Variants in CENPE observed in about 807,000 individuals in gnomAD.
The protein encoded by CENPE is centromere protein E, also known as centromere-associated protein E.
A neutral mutation model predicts 336.1 loss-of-function variants in CENPE; 145 were observed. The observed-to-expected ratio is 0.43, with a 90% CI of 0.38 to 0.50. CENPE has a LOEUF of 0.50. Among genes scored for constraint, CENPE ranks in the 20% least tolerant of loss-of-function variants. CENPE has a pLI of 0.00. For synonymous variants in CENPE, 1,013 were observed against 984.8 expected, an observed-to-expected ratio of 1.03 and a Z score of -0.54; for missense variants, 2,719 against 3,023.3, an observed-to-expected ratio of 0.90 and a Z score of 2.36.
intron 16 of CENPE, 24 bp downstream of exon 16, chr4:103,174,712 G>C (rs1379679738): frequency 6.9e-7 from 1 of 1,440,892 alleles, no homozygotes; most frequent in Non-Finnish European, 9.2e-7. Context: ...TTTTAGTTTA[G>C]TTTTACATTT....
At chr4:103,113,850 T>C (rs1252462245) in intron 46 of CENPE, among the ~76,000 whole-genome samples, 1 of 151,582 alleles carries the variant, frequency 6.6e-6, no homozygotes, top group Admixed American at 6.6e-5. Flanking sequence ...TTCTACTGCG[T>C]AAAGCTATCT....
chr4:103,145,335 C>A lies in CENPE; in HGVS notation c.4573-1G>T. The A allele has an allele frequency of 6.6e-7, 1 of 1,505,940 alleles. No homozygotes were observed. The highest frequency in any genetic ancestry group is 1.2e-5 in the South Asian group (1 of 84,908). 93.3% of individuals were successfully genotyped at this position (1,505,940 alleles called of 1,614,324 possible). A position where few individuals can be genotyped will look rare whatever the true frequency, so the allele number is the denominator to read the frequency against. On this transcript the variant is annotated splice_acceptor_variant, in intron 31 of 48. Transcript: ENST00000265148. LOFTEE classifies it high-confidence loss of function. ...CCTCTTTCTCATAAATCTCTTGGAT[C>A]TTAAACATAATTATAAAATAAGTTA...
intron 16 of CENPE, among the ~76,000 whole-genome samples, chr4:103,167,642 T>G (rs1002664476): frequency 6.6e-6 from 1 of 152,146 alleles, no homozygotes; most frequent in African/African-American, 2.4e-5. Flanking sequence ...TGTGGGAGCC[T>G]TTGGATTCAG....
rs550253023 is a variant in CENPE, at chr4:103,126,222, C to T, written c.6925-3133G>A. Among the ~76,000 whole-genome samples the T allele has an allele frequency of 2.6e-5, 4 of 152,216 alleles. 1 individual carries two copies. The South Asian group carries it at 8.3e-4, about 32-fold the overall frequency. Reference sequence around the variant, plus strand: ...TCATCACAGTTAATATTGGAGAAATCCCTTTGTGAGTCTGGCAGGAGAGGA... The same window carrying T: ...TCATCACAGTTAATATTGGAGAAATTCCTTTGTGAGTCTGGCAGGAGAGGA... On this transcript the variant is annotated intron_variant, in intron 42 of 48. Transcript: ENST00000265148.
At chr4:103,137,876 G>A (rs1489947565) in intron 39 of CENPE, among the ~76,000 whole-genome samples, 2 of 151,992 alleles carry the variant, frequency 1.3e-5, no homozygotes, top group Admixed American at 6.6e-5. Context: ...TTTCTCTTGC[G>A]GTAAAAATTC....
At chr4:103,176,750 T>G (rs2126010114) in intron 14 of CENPE, 149 bp downstream of exon 14, 2 of 593,076 alleles carry the variant, frequency 3.4e-6, no homozygotes, top group South Asian at 8.1e-5. Flanking sequence ...TTAGAATTAC[T>G]TATTTTAAAT....
chr4:103,191,721 C>T lies in CENPE; in HGVS notation c.693+2508G>A, dbSNP rs575372847. Among the ~76,000 whole-genome samples, 6 of 151,802 alleles carry T rather than the reference C, an allele frequency of 4.0e-5. No individual in the cohort carries two copies. The South Asian group carries it at 8.3e-4, about 21-fold the overall frequency. ...ATGACGAGTTAATGGGTGCAGTATACCAACATGGCACATGTATACATATGT... is the reference window on the plus strand; with the variant it reads ...ATGACGAGTTAATGGGTGCAGTATATCAACATGGCACATGTATACATATGT... On this transcript the variant is annotated intron_variant, in intron 8 of 48. Coordinates refer to ENST00000265148, the MANE Select transcript of CENPE (RefSeq NM_001813.3).
chr4:103,113,020 A>T (rs1749670157), intron 46 of CENPE, among the ~76,000 whole-genome samples: 1 of 94,646 alleles, frequency 1.1e-5, no homozygotes, highest in African/African-American at 4.5e-5. Context: ...ATATATACTT[A>T]TAAGTATATA....
chr4:103,160,506 G>T, intron 21 of CENPE, 119 bp downstream of exon 21: 1 of 744,060 alleles, frequency 1.3e-6, no homozygotes, highest in Non-Finnish European at 2.1e-6. Context: ...TAGTCAAAAC[G>T]TTTACAGTAT....
intron 44 of CENPE, 90 bp downstream of exon 44, chr4:103,120,058 A>G: frequency 2.3e-6 from 2 of 883,420 alleles, no homozygotes; most frequent in Non-Finnish European, 3.4e-6. Flanking sequence ...TTGTTGTGAG[A>G]GGGAAGAATA....
intron 34 of CENPE, among the ~76,000 whole-genome samples, chr4:103,142,577 A>C (rs1051773156): frequency 2.6e-5 from 4 of 152,208 alleles, no homozygotes; most frequent in Non-Finnish European, 4.4e-5. Context: ...CAAATCTTAC[A>C]TCCTGAAGGT....
chr4:103,188,223 T>C (rs1756976162), intron 8 of CENPE, among the ~76,000 whole-genome samples: 1 of 152,140 alleles, frequency 6.6e-6, no homozygotes, highest in Non-Finnish European at 1.5e-5. Context: ...ACTGTCAACG[T>C]TAGACAGATC....
At chr4:103,164,736 G>T (rs893644170) in intron 16 of CENPE, among the ~76,000 whole-genome samples, 2 of 151,902 alleles carry the variant, frequency 1.3e-5, no homozygotes, top group Non-Finnish European at 2.9e-5. Flanking sequence ...TGTCAATTCA[G>T]TCTGGTCCCA....
At chr4:103,191,810 A>G (rs531932757) in intron 8 of CENPE, among the ~76,000 whole-genome samples, 1 of 152,264 alleles carries the variant, frequency 6.6e-6, no homozygotes, top group African/African-American at 2.4e-5. Context: ...AATAAATAAA[A>G]ATAAAAAAAC....
chr4:103,145,088 C>T lies in CENPE; in HGVS notation c.4819G>A (p.Asp1607Asn). The change falls in exon 32 of 49, where the codon GAC becomes AAC. Residue 1607 changes from aspartate to asparagine, a missense_variant. Physicochemically the swap from Asp to Asn is conservative, Grantham distance 23. This residue lies in a region of CENPE where 2,437 missense variants were observed against 2,513.3 expected (regional missense o/e 0.97). Transcript: ENST00000265148. Reference sequence around the variant, plus strand: ...TCTTTAGTGTTTTCTTTCAGTTGGTCTCTCTCTATCTGAAGGGCCTCCTGT... The same window carrying T: ...TCTTTAGTGTTTTCTTTCAGTTGGTTTCTCTCTATCTGAAGGGCCTCCTGT... ...RVQEALQIER[D>N]QLKENTKEIV... 1 of 1,540,086 alleles carries T rather than the reference C, an allele frequency of 6.5e-7. No individual in the cohort carries two copies. Among genetic ancestry groups the T allele is most frequent in the Non-Finnish European group, 8.7e-7 (1 of 1,147,892 alleles).
intron 46 of CENPE, among the ~76,000 whole-genome samples, chr4:103,113,428 ATTAC>A (rs574512068): frequency 2.1e-5 from 3 of 141,808 alleles, no homozygotes; most frequent in East Asian, 2.0e-4. Context: ...ATACTTATAT[ATTAC>A]TTATATATAT....
chr4:103,133,837 T>C lies in CENPE; in HGVS notation c.6578A>G (p.Lys2193Arg). 6.2e-7 allele frequency: 1 copy of C among 1,602,368 alleles called. No individual in the cohort carries two copies. Among genetic ancestry groups the C allele is most frequent in the Non-Finnish European group, 8.5e-7 (1 of 1,171,444 alleles). ...TTCATCAATAAAATCCATTTCAAAT[T>C]TATTGATGGATTCATGTTGTTCTTC... is the stretch of plus-strand genomic sequence containing the variant. ...IKEEQHESIN[K>R]FEMDFIDEVE... is the part of the protein sequence containing the mutation. Residue 2193 changes from lysine to arginine, a missense_variant, in exon 41 of 49, where the codon AAA (lysine) becomes AGA (arginine). Around this residue, in one of 5 missense-constraint regions of CENPE, gnomAD observed 2,437 missense variants for 2,513.3 expected, o/e 0.97. Transcript: ENST00000265148.
intron 8 of CENPE, among the ~76,000 whole-genome samples, chr4:103,191,349 G>A (rs565825090): frequency 4.6e-5 from 7 of 152,100 alleles, no homozygotes; most frequent in Non-Finnish European, 4.4e-5. Flanking sequence ...ACATGCACAC[G>A]TATATTTATT....
chr4:103,191,963 A>G (rs1757391627), intron 8 of CENPE, among the ~76,000 whole-genome samples: 1 of 152,028 alleles, frequency 6.6e-6, no homozygotes, highest in Non-Finnish European at 1.5e-5. Context: ...CTGGGGCAGG[A>G]ATCTCGGTGA....
Sources: allele counts gnomAD v4.1 joint callset (sites outside exome capture counted in the v4.1 genomes callset), GRCh38; gene constraint gnomAD v4.1.1; regional missense constraint gnomAD v4.1.1; transcripts MANE v1.5; gene names NCBI Gene and HGNC (gene_info 2026-07-23, HGNC 2026-07-21).